The following FRYL variants were observed in gnomAD, a reference collection of about 807,000 sequenced individuals.
FRYL encodes FRY like transcription coactivator, also known as protein furry homolog-like.
In FRYL, 150 loss-of-function variants were observed where a neutral mutation model predicts 351.2. The observed-to-expected ratio is 0.43, with a 90% confidence interval of 0.37 to 0.49. The LOEUF is 0.49. FRYL is among the 20% of genes least tolerant of loss of function. The pLI is 0.00. For missense variants in FRYL, 3,036 were observed against 3,619.3 expected (o/e 0.84, Z 4.13); for synonymous variants, 1,153 against 1,257.1 (o/e 0.92, Z 1.75).
At chr4:48,592,215 A>G (rs1356332766) in intron 16 of FRYL, among the ~76,000 whole-genome samples, 2 of 151,462 alleles carry the variant, frequency 1.3e-5, no homozygotes. Context: ...GTCACATGTC[A>G]CATAGTCAAA....
intron 2 of FRYL, among the ~76,000 whole-genome samples, chr4:48,704,112 A>AG (rs1236272349): frequency 6.6e-6 from 1 of 152,196 alleles, no homozygotes; most frequent in African/African-American, 2.4e-5. Context: ...AAAAAGAATG[A>AG]GGAAAAAATG....
chr4:48,725,671 G>C (rs1455507307), intron 1 of FRYL, among the ~76,000 whole-genome samples: 4 of 152,124 alleles, frequency 2.6e-5, no homozygotes, highest in Admixed American at 2.0e-4. Flanking sequence ...TAGTCACTTA[G>C]GAGCAGTCTC....
chr4:48,750,036 A>C (rs1773080698), intron 1 of FRYL, among the ~76,000 whole-genome samples: 1 of 151,522 alleles, frequency 6.6e-6, no homozygotes, highest in Admixed American at 6.6e-5. Flanking sequence ...CAGGAGGCTG[A>C]GGCAGGAGAA....
intron 53 of FRYL, among the ~76,000 whole-genome samples, chr4:48,525,035 T>G (rs1203306702): frequency 7.1e-6 from 1 of 140,908 alleles, no homozygotes; most frequent in Non-Finnish European, 1.5e-5. Context: ...AGTGTGAAAC[T>G]AATTTTAGGG....
intron 19 of FRYL, among the ~76,000 whole-genome samples, chr4:48,585,612 T>C (rs1156297558): frequency 3.3e-5 from 5 of 152,208 alleles, no homozygotes; most frequent in African/African-American, 1.2e-4. Flanking sequence ...GCCAGATGCT[T>C]ATTGGAACGC....
chr4:48,569,724 C>A (rs567270559), intron 27 of FRYL, among the ~76,000 whole-genome samples: 1 of 152,098 alleles, frequency 6.6e-6, no homozygotes, highest in African/African-American at 2.4e-5. Flanking sequence ...GAAAGGTGTT[C>A]GGTAAAATAA....
intron 55 of FRYL, among the ~76,000 whole-genome samples, chr4:48,516,276 C>T (rs978088899): frequency 6.6e-6 from 1 of 151,952 alleles, no homozygotes; most frequent in Non-Finnish European, 1.5e-5. Context: ...AGTGGTGTGC[C>T]CTTTCTATCC....
At chr4:48,754,887 C>A (rs1344889987) in intron 1 of FRYL, among the ~76,000 whole-genome samples, 2 of 152,114 alleles carry the variant, frequency 1.3e-5, no homozygotes, top group Admixed American at 6.5e-5. Context: ...GGTGATCCAC[C>A]CGCCTTGGCC....
intron 13 of FRYL, 25 bp downstream of exon 13, chr4:48,601,995 T>G (rs756866680): frequency 3.1e-6 from 4 of 1,271,654 alleles, no homozygotes; most frequent in Non-Finnish European, 4.6e-6. Context: ...AGTATTTACA[T>G]ATCAGAAGTG....
chr4:48,527,250 C>T (rs570713888), intron 53 of FRYL, among the ~76,000 whole-genome samples: 2 of 152,142 alleles, frequency 1.3e-5, no homozygotes, highest in African/African-American at 2.4e-5. Context: ...TGAAGGAAGC[C>T]ATTTTTTAAT....
chr4:48,779,231 G>A (rs1246569254), intron 1 of FRYL, among the ~76,000 whole-genome samples: 3 of 152,146 alleles, frequency 2.0e-5, no homozygotes, highest in Non-Finnish European at 2.9e-5. Context: ...TCCATCAAAC[G>A]GCAAATAAAA....
At chr4:48,632,292 TCATTATAC>T (rs2149363748) in intron 4 of FRYL, among the ~76,000 whole-genome samples, 1 of 149,820 alleles carries the variant, frequency 6.7e-6, no homozygotes, top group African/African-American at 2.4e-5. Flanking sequence ...TCCTAAGTGT[TCATTATAC>T]CATAATCTTT....
chr4:48,546,757 T>A (rs953971341), intron 41 of FRYL: 18 of 153,828 alleles, frequency 1.2e-4, no homozygotes, highest in Admixed American at 2.6e-4. Flanking sequence ...ATTTACAAAT[T>A]GGTAAGAGAA....
chr4:48,511,454 A>G (rs923917565), intron 57 of FRYL, among the ~76,000 whole-genome samples: 2 of 152,214 alleles, frequency 1.3e-5, no homozygotes, highest in Admixed American at 1.3e-4. Context: ...GAGTCCAGGA[A>G]TATTCATTTC....
intron 40 of FRYL, among the ~76,000 whole-genome samples, chr4:48,547,976 A>T (rs1731740746): frequency 6.6e-6 from 1 of 152,182 alleles, no homozygotes; most frequent in African/African-American, 2.4e-5. Context: ...AAGGTAAGCT[A>T]AATGTGTTTC....
At chr4:48,605,427 C>T (rs1165063467) in intron 11 of FRYL, among the ~76,000 whole-genome samples, 6 of 152,150 alleles carry the variant, frequency 3.9e-5, no homozygotes, top group Admixed American at 3.9e-4. Context: ...TACATTTCTT[C>T]ATTTTTGAGA....
intron 1 of FRYL, among the ~76,000 whole-genome samples, chr4:48,725,729 ATCT>A (rs560574190): frequency 1.4e-3 from 210 of 152,316 alleles, no homozygotes; most frequent in African/African-American, 4.9e-3. Context: ...TGTTCAAGTA[ATCT>A]TTATTTTACT....
At chr4:48,756,890 G>A (rs1773849338) in intron 1 of FRYL, among the ~76,000 whole-genome samples, 2 of 152,238 alleles carry the variant, frequency 1.3e-5, no homozygotes, top group African/African-American at 4.8e-5. Context: ...TGAGGCTACA[G>A]TGAGCCATGA....
intron 4 of FRYL, among the ~76,000 whole-genome samples, chr4:48,626,812 A>G (rs1278223278): frequency 6.6e-6 from 1 of 152,128 alleles, no homozygotes; most frequent in East Asian, 1.9e-4. Context: ...TGTGTGATTA[A>G]TCTTTATGAA....
Sources: gnomAD v4.1 joint callset for allele counts (sites outside exome capture counted in the v4.1 genomes callset) on GRCh38, gnomAD v4.1.1 for gene constraint, MANE v1.5 for transcripts, NCBI Gene and HGNC (gene_info 2026-07-23, HGNC 2026-07-21) for gene names.